The following ANKS1A variants were observed in gnomAD, a reference collection of about 807,000 sequenced individuals.
The protein encoded by ANKS1A is ankyrin repeat and sterile alpha motif domain containing 1A.
ANKS1A carries 55 observed loss-of-function variants against 120.3 expected under a neutral mutation model. That is an observed-to-expected ratio of 0.46 (90% CI 0.37 to 0.57). The LOEUF is 0.57. Ranked by LOEUF, ANKS1A falls within the 20% of genes least tolerant of loss-of-function variation. ANKS1A has a pLI of 0.00. For missense variants in ANKS1A, 1,123 were observed against 1,480.3 expected, an observed-to-expected ratio of 0.76 and a Z score of 3.96; for synonymous variants, 590 against 604.7, an observed-to-expected ratio of 0.98 and a Z score of 0.36.
intron 23 of ANKS1A, 97 bp from the exon 24 acceptor site, chr6:35,088,509 T>C (rs1778117161): frequency 6.6e-7 from 1 of 1,513,246 alleles, no homozygotes; most frequent in Non-Finnish European, 9.2e-7. Flanking sequence ...CTGTGAGGGA[T>C]CGTCTGTCCT....
At chr6:34,942,105 A>G (rs557257385) in intron 1 of ANKS1A, among the ~76,000 whole-genome samples, 13 of 152,266 alleles carry the variant, frequency 8.5e-5, no homozygotes, top group African/African-American at 3.1e-4. Context: ...TTGGGGGTTT[A>G]TTATGTTTCA....
chr6:34,907,117 T>C (rs1052125777), intron 1 of ANKS1A, among the ~76,000 whole-genome samples: 2 of 152,158 alleles, frequency 1.3e-5, no homozygotes, highest in African/African-American at 4.8e-5. Context: ...TACAAAATAC[T>C]GAGTAGTACT....
rs913900248 is a variant in ANKS1A at position 35,044,224 on chromosome 6, T to G, written c.2011-9875T>G. Among the ~76,000 whole-genome samples, 3 of 152,188 alleles carry G rather than the reference T, an allele frequency of 2.0e-5. No individual in the cohort carries two copies. The highest frequency in any genetic ancestry group is 2.9e-5 in the Non-Finnish European group (2 of 68,028). ...GACATAGCCGTCCGCTGGCATCACT[T>G]ACTGAGGGACAGGGTGGCATGCAGT... is the stretch of plus-strand genomic sequence containing the variant. On this transcript the variant is annotated intron_variant, in intron 11 of 23. Coordinates refer to ENST00000360359, the MANE Select transcript of ANKS1A (RefSeq NM_015245.3). The surrounding 1 kb of genome is among the most constrained non-coding windows in gnomAD (Gnocchi z 4.4).
Position 34,970,118 on chromosome 6 carries a change from G to A in ANKS1A, c.387G>A (p.Val129=). 6.2e-7 allele frequency: 1 copy of A among 1,614,064 alleles called. No homozygotes were observed. The highest frequency in any genetic ancestry group is 8.5e-7 in the Non-Finnish European group (1 of 1,179,998). Residue 129 remains valine (V), a synonymous_variant, in exon 3 of 24, where the codon GTG becomes GTA. Transcript: ENST00000360359. ...CCTGGAAAGGAGATGCCCAGATAGT[G>A]CGGTTGCTCATCCATCAAGGGCCTT... ...LAAWKGDAQI[V]RLLIHQGPSH... is the part of the protein sequence containing the mutation.
chr6:35,048,873 G>A (rs1775842135), intron 11 of ANKS1A, among the ~76,000 whole-genome samples: 1 of 152,204 alleles, frequency 6.6e-6, no homozygotes, highest in Non-Finnish European at 1.5e-5. Flanking sequence ...TCAGCCCCCG[G>A]CTCCTGGGAA....
intron 1 of ANKS1A, among the ~76,000 whole-genome samples, chr6:34,948,942 T>A (rs1048347001): frequency 6.6e-6 from 1 of 152,124 alleles, no homozygotes; most frequent in Non-Finnish European, 1.5e-5. Context: ...ATAAGAACAT[T>A]TCACTGGGAG....
chr6:35,034,657 G>A (rs919155226), intron 11 of ANKS1A, among the ~76,000 whole-genome samples: 9 of 152,212 alleles, frequency 5.9e-5, no homozygotes, highest in African/African-American at 2.2e-4. Flanking sequence ...TACTCAGGCC[G>A]GTATCATTGC....
At chr6:34,987,627 A>G (rs1772279771) in intron 8 of ANKS1A, among the ~76,000 whole-genome samples, 1 of 152,232 alleles carries the variant, frequency 6.6e-6, no homozygotes, top group Non-Finnish European at 1.5e-5. Context: ...AGTTGTTGCC[A>G]TTGGGCATCC....
chr6:35,089,545 G>GTGAT lies in ANKS1A; in HGVS notation c.*939_*942dup, dbSNP rs1426800530. 1.0e-6 allele frequency: 1 copy of GTGAT among 986,608 alleles called. No individual in the cohort carries two copies. 61.1% of individuals were successfully genotyped at this position (986,608 alleles called of 1,614,324 possible). A position where few individuals can be genotyped will look rare whatever the true frequency, so the allele number is the denominator to read the frequency against. ...TTTGTGATTTGTCTAATCAGCCTGT[G>GTGAT]TGATTGGGGCTCATTTTGATTCTCT... is the stretch of plus-strand genomic sequence containing the variant. On this transcript the variant is annotated 3_prime_UTR_variant, in exon 24 of 24. Transcript: ENST00000360359.
At chr6:34,919,585 A>T (rs1039860850) in intron 1 of ANKS1A, among the ~76,000 whole-genome samples, 4 of 152,072 alleles carry the variant, frequency 2.6e-5, no homozygotes, top group African/African-American at 9.7e-5. Context: ...ATTTTAGAAA[A>T]TGCAGTTGGT....
At position 34,983,202 on chromosome 6, in the gene ANKS1A, G is replaced by A; in HGVS notation, c.898G>A (p.Ala300Thr). Residue 300 changes from alanine to threonine, a missense_variant, in exon 6 of 24, where the codon GCA (alanine) becomes ACA (threonine). This residue lies in a region of ANKS1A where 904 missense variants were observed against 1,130.4 expected (regional missense o/e 0.80). Coordinates refer to ENST00000360359, the MANE Select transcript of ANKS1A (RefSeq NM_015245.3). ...LPSQKSQQIA[A>T]LIEDHMTGKR... The stretch of plus-strand genomic sequence containing the variant: ...TTCTCAAAAGAGCCAGCAAATAGCA[G>A]CATTAATTGAAGGTATCATCCTTTC... 2 of 1,614,124 alleles carry A rather than the reference G, an allele frequency of 1.2e-6. No homozygotes were observed. The highest frequency in any genetic ancestry group is 2.2e-5 in the South Asian group (2 of 91,084).
At chr6:34,900,627 C>T (rs1767301329) in intron 1 of ANKS1A, among the ~76,000 whole-genome samples, 1 of 152,094 alleles carries the variant, frequency 6.6e-6, no homozygotes, top group Admixed American at 6.5e-5. Flanking sequence ...GTAGTATTGC[C>T]ATTTTACTGG....
At chr6:34,955,331 T>G (rs1393444068) in intron 1 of ANKS1A, among the ~76,000 whole-genome samples, 1 of 151,980 alleles carries the variant, frequency 6.6e-6, no homozygotes, top group African/African-American at 2.4e-5. Context: ...GAGATGGGGT[T>G]TCTCCATGTT....
At chr6:34,979,195 CCTA>C (rs1771771699) in intron 3 of ANKS1A, among the ~76,000 whole-genome samples, 1 of 152,072 alleles carries the variant, frequency 6.6e-6, no homozygotes, top group South Asian at 2.1e-4. Context: ...GTGCCCGGCC[CCTA>C]CTAGTTATTT....
intron 10 of ANKS1A, among the ~76,000 whole-genome samples, chr6:35,003,005 A>G (rs987652567): frequency 1.3e-5 from 2 of 148,804 alleles, no homozygotes; most frequent in African/African-American, 5.0e-5. Context: ...TGGACATAGA[A>G]CCTACGCTAA....
Position 34,889,882 on chromosome 6 carries a change from C to T in ANKS1A, c.197+283C>T, listed in dbSNP as rs959411561. On this transcript the variant is annotated intron_variant, in intron 1 of 23. Coordinates refer to ENST00000360359, the MANE Select transcript of ANKS1A (RefSeq NM_015245.3). The surrounding 1 kb of genome is among the most constrained non-coding windows in gnomAD (Gnocchi z 5.5). ...GCATGGCACAGCCAGGGTTCACTCT[C>T]GCTCGCTACAGGGTGCCAGCTATCG... 5.9e-5 allele frequency among the ~76,000 whole-genome samples: 9 copies of T among 152,152 alleles called. No homozygotes were observed. Among genetic ancestry groups the T allele is most frequent in the African/African-American group, 2.2e-4 (9 of 41,452 alleles).
chr6:34,985,117 G>T lies in ANKS1A; in HGVS notation c.1048G>T (p.Asp350Tyr). 1 of 1,614,120 alleles carries T rather than the reference G, an allele frequency of 6.2e-7. No individual in the cohort carries two copies. Among genetic ancestry groups the T allele is most frequent in the Non-Finnish European group, 8.5e-7 (1 of 1,180,004 alleles). ...VEKAVTELIIDFDANAEEEGP... is the reference protein window; with the variant it reads ...VEKAVTELIIYFDANAEEEGP... ...GAAAGCAGTGACTGAACTGATTATA[G>T]ATTTTGATGCAAATGCTGAAGAAGA... Residue 350 changes from aspartate to tyrosine, a missense_variant, in exon 8 of 24, where the codon GAT (aspartate) becomes TAT (tyrosine). Physicochemically the swap from Asp to Tyr is radical, Grantham distance 160 (BLOSUM62 -3). Coordinates refer to ENST00000360359, the MANE Select transcript of ANKS1A (RefSeq NM_015245.3).
At chr6:34,943,109 A>T (rs967805963) in intron 1 of ANKS1A, among the ~76,000 whole-genome samples, 1 of 152,086 alleles carries the variant, frequency 6.6e-6, no homozygotes, top group Non-Finnish European at 1.5e-5. Context: ...CTAGGAATAC[A>T]GGTGTGCATC....
At chr6:35,055,244 T>C (rs1007985811) in intron 12 of ANKS1A, among the ~76,000 whole-genome samples, 5 of 152,140 alleles carry the variant, frequency 3.3e-5, no homozygotes, top group Admixed American at 3.3e-4. Flanking sequence ...TCACTTAATG[T>C]CTCTGCACCC....
Sources: allele counts gnomAD v4.1 joint callset (sites outside exome capture counted in the v4.1 genomes callset), GRCh38; gene constraint gnomAD v4.1.1; regional missense constraint gnomAD v4.1.1; non-coding constraint Gnocchi (gnomAD v3.1); transcripts MANE v1.5; gene names NCBI Gene and HGNC (gene_info 2026-07-23, HGNC 2026-07-21).